The following SPHKAP variants were observed in gnomAD, a reference collection of about 807,000 sequenced individuals.
SPHKAP encodes the protein A-kinase anchor protein SPHKAP.
In SPHKAP, 67 loss-of-function variants were observed where a neutral mutation model predicts 137.5. That is an observed-to-expected ratio of 0.49 (90% CI 0.40 to 0.60). SPHKAP has a LOEUF of 0.60. Among genes scored for constraint, SPHKAP ranks in the 20% least tolerant of loss-of-function variants. The pLI, the probability that SPHKAP is intolerant of heterozygous loss-of-function variation, is 0.00. For synonymous variants in SPHKAP, 813 were observed against 785.3 expected (o/e 1.04, Z -0.59); for missense variants, 2,097 against 2,069.3 (o/e 1.01, Z -0.26).
At chr2:228,029,198 C>T (rs1337598957) in intron 3 of SPHKAP, among the ~76,000 whole-genome samples, 3 of 152,200 alleles carry the variant, frequency 2.0e-5, no homozygotes, top group Non-Finnish European at 4.4e-5. Flanking sequence ...GTTTTTATTT[C>T]TAACTAGTTG....
At chr2:228,070,203 C>A (rs1471802881) in intron 3 of SPHKAP, among the ~76,000 whole-genome samples, 1 of 152,128 alleles carries the variant, frequency 6.6e-6, no homozygotes, top group Admixed American at 6.5e-5. Flanking sequence ...TGGATTGACA[C>A]ATATTTTTAT....
intron 2 of SPHKAP, among the ~76,000 whole-genome samples, chr2:228,113,963 G>C (rs1176850226): frequency 6.6e-6 from 1 of 152,072 alleles, no homozygotes; most frequent in African/African-American, 2.4e-5. Flanking sequence ...TTAGTTTCAT[G>C]GCTTGGACAA....
At chr2:228,100,818 G>C (rs1212830113) in intron 3 of SPHKAP, among the ~76,000 whole-genome samples, 1 of 152,062 alleles carries the variant, frequency 6.6e-6, no homozygotes, top group African/African-American at 2.4e-5. Flanking sequence ...TGTTGTTGTT[G>C]TGTGTTTGCC....
In SPHKAP at chr2:228,017,581, G is replaced by T. The variant is rs759501573; in HGVS notation, c.3273C>A (p.Ser1091=). 2 of 1,613,674 alleles carry T rather than the reference G, an allele frequency of 1.2e-6. No homozygotes were observed. The highest frequency in any genetic ancestry group is 1.3e-5 in the African/African-American group (1 of 74,904). Residue 1091 remains serine, a synonymous_variant, in exon 7 of 12, where the codon TCC becomes TCA. Transcript: ENST00000392056. ...SSCESIPEED[S]EARAYVNSLG... ...GGCTGTTGACATAGGCCCTGGCCTC[G>T]GAGTCTTCCTCAGGAATGCTTTCGC...
chr2:228,150,116 T>A (rs1297429332), intron 1 of SPHKAP, among the ~76,000 whole-genome samples: 1 of 152,202 alleles, frequency 6.6e-6, no homozygotes, highest in Non-Finnish European at 1.5e-5. Context: ...TTAATTTGAT[T>A]GATTATAATA....
At chr2:228,049,815 A>G (rs1004114767) in intron 3 of SPHKAP, among the ~76,000 whole-genome samples, 15 of 152,222 alleles carry the variant, frequency 9.9e-5, no homozygotes, top group African/African-American at 3.4e-4. Flanking sequence ...ATGTTGCTGC[A>G]AAAATATAAT....
intron 9 of SPHKAP, chr2:227,991,843 G>C: frequency 2.4e-6 from 1 of 416,538 alleles, no homozygotes; most frequent in Non-Finnish European, 3.2e-6. Context: ...TAAGAAAAAA[G>C]ACAACCAACA....
intron 3 of SPHKAP, among the ~76,000 whole-genome samples, chr2:228,060,627 A>C (rs1414777847): frequency 2.0e-5 from 3 of 152,210 alleles, no homozygotes; most frequent in Non-Finnish European, 2.9e-5. Flanking sequence ...TAGTGATAGG[A>C]AAGTGATATT....
intron 3 of SPHKAP, among the ~76,000 whole-genome samples, chr2:228,040,094 C>T (rs903992971): frequency 1.3e-5 from 2 of 152,016 alleles, no homozygotes; most frequent in Non-Finnish European, 2.9e-5. Context: ...AAATATTAAC[C>T]AAAAGCATGA....
intron 1 of SPHKAP, among the ~76,000 whole-genome samples, chr2:228,144,264 C>T (rs375545989): frequency 3.3e-5 from 5 of 152,220 alleles, no homozygotes; most frequent in African/African-American, 1.2e-4. Context: ...GTATTTGTTT[C>T]CTGTGTTTAT....
At chr2:228,120,499 G>T (rs761981696) in intron 2 of SPHKAP, among the ~76,000 whole-genome samples, 6 of 152,110 alleles carry the variant, frequency 3.9e-5, no homozygotes, top group Non-Finnish European at 7.4e-5. Context: ...TAGAGACTTT[G>T]TATGTTACCC....
At chr2:228,109,789 G>T (rs1698458063) in intron 2 of SPHKAP, among the ~76,000 whole-genome samples, 1 of 151,650 alleles carries the variant, frequency 6.6e-6, no homozygotes, top group Admixed American at 6.6e-5. Flanking sequence ...AACATGGTGG[G>T]ACCTCGTTTC....
chr2:228,008,712 G>A (rs1466986154), intron 7 of SPHKAP, among the ~76,000 whole-genome samples: 1 of 150,400 alleles, frequency 6.6e-6, no homozygotes, highest in Non-Finnish European at 1.5e-5. Context: ...TAAATGTCCA[G>A]TTGTTTCTGT....
chr2:228,122,514 C>G (rs1196727656), intron 2 of SPHKAP, among the ~76,000 whole-genome samples: 3 of 152,154 alleles, frequency 2.0e-5, no homozygotes, highest in African/African-American at 7.2e-5. Flanking sequence ...GAATAAGAAG[C>G]TGAATTGTAT....
At position 228,108,927 on chromosome 2, in the gene SPHKAP, T is replaced by C; in HGVS notation, c.151A>G (p.Asn51Asp). 1 of 1,599,350 alleles carries C rather than the reference T, an allele frequency of 6.3e-7. No homozygotes were observed. The highest frequency in any genetic ancestry group is 8.5e-7 in the Non-Finnish European group (1 of 1,176,008). Residue 51 changes from asparagine (N) to aspartate (D), a missense_variant, in exon 3 of 12, where the codon AAT becomes GAT. Transcript: ENST00000392056. ...TAGTCTGTTGACTCCAGCAGGCTAT[T>C]GCTGCGAAGAACCTGGAGGAACCCA... ...ITACKKVLRS[N>D]SLLESTDYWL... is the part of the protein sequence containing the mutation.
rs112691734 is a variant in SPHKAP at position 228,079,599 on chromosome 2, C to T, written c.246+29233G>A. On this transcript the variant is annotated intron_variant, in intron 3 of 11. Coordinates refer to ENST00000392056, the MANE Select transcript of SPHKAP (RefSeq NM_001142644.2). ...GTGAACTCAAGCTCTAGGCCTACCC[C>T]GGTGGATGCATGTGCCAGGGCCATT... 4.2e-3 allele frequency among the ~76,000 whole-genome samples: 639 copies of T among 152,332 alleles called. 7 individuals are homozygous for T. The highest frequency in any genetic ancestry group is 0.014 in the African/African-American group (589 of 41,570).
chr2:228,134,604 A>G (rs1699377386), intron 1 of SPHKAP, among the ~76,000 whole-genome samples: 1 of 152,212 alleles, frequency 6.6e-6, no homozygotes, highest in African/African-American at 2.4e-5. Flanking sequence ...CAAAAGGCCG[A>G]ACAGCTATTA....
intron 3 of SPHKAP, among the ~76,000 whole-genome samples, chr2:228,067,953 C>T (rs1696880394): frequency 6.6e-6 from 1 of 152,100 alleles, no homozygotes. Flanking sequence ...TTCTTGTTTG[C>T]TGATGATATG....
chr2:228,154,715 A>ATT (rs35636905), intron 1 of SPHKAP, among the ~76,000 whole-genome samples: 9,693 of 115,012 alleles, frequency 0.084, 532 homozygotes, highest in Middle Eastern at 0.14. Flanking sequence ...TGCCTGGCTA[A>ATT]TTTTTTTTTT....
Sources: gnomAD v4.1 joint callset for allele counts (sites outside exome capture counted in the v4.1 genomes callset) on GRCh38, gnomAD v4.1.1 for gene constraint, MANE v1.5 for transcripts, NCBI Gene and HGNC (gene_info 2026-07-23, HGNC 2026-07-21) for gene names.